Variants in CACNG7 observed in about 807,000 individuals in gnomAD.
CACNG7 encodes voltage-dependent calcium channel gamma-7 subunit.
A neutral mutation model predicts 26.3 loss-of-function variants in CACNG7; 9 were observed. The observed-to-expected ratio is 0.34, with a 90% CI of 0.21 to 0.60. CACNG7 has a LOEUF of 0.60. CACNG7 is among the 20% of genes least tolerant of loss of function. The pLI is 0.81. For synonymous variants in CACNG7, 170 were observed against 157.0 expected, an observed-to-expected ratio of 1.08 and a Z score of -0.62; for missense variants, 297 against 380.4, an observed-to-expected ratio of 0.78 and a Z score of 1.82.
intron 4 of CACNG7, among the ~76,000 whole-genome samples, chr19:53,927,077 G>T (rs754437730): frequency 2.0e-5 from 3 of 151,838 alleles, no homozygotes; most frequent in Admixed American, 1.3e-4. Context: ...CTGCCACCAC[G>T]CCTGGCTAAT....
intron 4 of CACNG7, among the ~76,000 whole-genome samples, chr19:53,924,659 G>A (rs1219821107): frequency 1.7e-4 from 23 of 136,966 alleles, no homozygotes; most frequent in Non-Finnish European, 2.8e-4. Flanking sequence ...GGAGTTGTCC[G>A]AGGTCTGGTA....
At chr19:53,920,358 T>G in intron 4 of CACNG7, among the ~76,000 whole-genome samples, 1 of 100,908 alleles carries the variant, frequency 9.9e-6, no homozygotes. Context: ...TTTCCCCAGG[T>G]CTGGTCATTG....
chr19:53,913,719 G>A (rs1405936197), intron 2 of CACNG7, among the ~76,000 whole-genome samples: 1 of 150,096 alleles, frequency 6.7e-6, no homozygotes, highest in African/African-American at 2.5e-5. Context: ...AGGAGTTCGA[G>A]GCTGCAGTGA....
In CACNG7 at chr19:53,941,773, G is replaced by C. The variant is rs1252006825; in HGVS notation, c.570+158G>C. On this transcript the variant is annotated intron_variant, in intron 5 of 5. Coordinates refer to ENST00000391767, the MANE Select transcript of CACNG7 (RefSeq NM_031896.5). ...CTAACCCCTGGGTCCTGGAGGAAGA[G>C]GGGTCTGAGAGCTCCAACTTTTGGG... 10 of 992,914 alleles carry C rather than the reference G, an allele frequency of 1.0e-5. No homozygotes were observed. The East Asian group carries it at 1.8e-4, about 18-fold the overall frequency. 61.5% of individuals were successfully genotyped at this position (992,914 alleles called of 1,614,324 possible). A position where few individuals can be genotyped will look rare whatever the true frequency, so the allele number is the denominator to read the frequency against.
Position 53,929,581 on chromosome 19 carries a change from C to T in CACNG7, c.425-11889C>T, listed in dbSNP as rs577994351. Among the ~76,000 whole-genome samples the T allele has an allele frequency of 9.9e-5, 15 of 152,158 alleles. No individual in the cohort carries two copies. The South Asian group carries it at 1.0e-3, about 11-fold the overall frequency. ...AAGCGATTCTCCTGTCTCAGCCTCC[C>T]GAGTAGCTGGGATTACAGGCGCCCG... On this transcript the variant is annotated intron_variant, in intron 4 of 5. Transcript: ENST00000391767.
At chr19:53,927,175 C>T (rs2069037557) in intron 4 of CACNG7, among the ~76,000 whole-genome samples, 1 of 152,094 alleles carries the variant, frequency 6.6e-6, no homozygotes, top group Non-Finnish European at 1.5e-5. Context: ...CCACCTTGGC[C>T]TCCCAAAGTT....
intron 4 of CACNG7, among the ~76,000 whole-genome samples, chr19:53,922,972 T>C (rs1432822200): frequency 1.0e-5 from 1 of 97,928 alleles, no homozygotes; most frequent in Non-Finnish European, 1.9e-5. Context: ...GGTCTGGTCA[T>C]TGGTGGAGTT....
Position 53,909,829 on chromosome 19 carries a change from G to A in CACNG7, c.-30+312G>A, listed in dbSNP as rs908386882. On this transcript the variant is annotated intron_variant, in intron 1 of 5. Coordinates refer to ENST00000391767, the MANE Select transcript of CACNG7 (RefSeq NM_031896.5). The surrounding 1 kb of genome is among the most constrained non-coding windows in gnomAD (Gnocchi z 5.1). The stretch of plus-strand genomic sequence containing the variant: ...TACGGGGCGAGGGCGGAGGACCCAG[G>A]CCCGGCCAGAGCAGGATGTGGGTCT... Among the ~76,000 whole-genome samples, 3 of 152,154 alleles carry A rather than the reference G, an allele frequency of 2.0e-5. No individual in the cohort carries two copies. Among genetic ancestry groups the A allele is most frequent in the African/African-American group, 7.2e-5 (3 of 41,436 alleles).
At chr19:53,927,246 C>A (rs1439606700) in intron 4 of CACNG7, among the ~76,000 whole-genome samples, 1 of 152,098 alleles carries the variant, frequency 6.6e-6, no homozygotes, top group African/African-American at 2.4e-5. Flanking sequence ...CAAACATGTT[C>A]TTGTTTGTAT....
intron 4 of CACNG7, among the ~76,000 whole-genome samples, chr19:53,920,350 T>G (rs307924): frequency 0.38 from 27,906 of 72,644 alleles, 2,734 homozygotes; most frequent in African/African-American, 0.53. Context: ...TGGTGGAGTT[T>G]CCCCAGGTCT....
intron 4 of CACNG7, among the ~76,000 whole-genome samples, chr19:53,916,645 C>T (rs1410095144): frequency 6.1e-5 from 9 of 148,136 alleles, no homozygotes; most frequent in East Asian, 2.0e-4. Flanking sequence ...TGTGCCACTA[C>T]GCCCGGCTAA....
chr19:53,935,634 CTTT>C (rs59884893), intron 4 of CACNG7, among the ~76,000 whole-genome samples: 9 of 42,260 alleles, frequency 2.1e-4, no homozygotes, highest in East Asian at 9.9e-4. Context: ...CCAATACTGT[CTTT>C]TTTTTTTTTT....
Position 53,942,107 on chromosome 19 carries a change from G to C in CACNG7, c.642G>C (p.Pro214=). The change falls in exon 6 of 6, where the codon CCG becomes CCC. Residue 214 remains proline (P), a synonymous_variant. Transcript: ENST00000391767. This position sits in a 1 kb window ranked among gnomAD's most constrained non-coding sequence, Gnocchi z 5.9. ...AGGAGGAGATGTACCGTCCACACCC[G>C]GCCTTCTACCGCCCGCGTCTCAGCG... ...YAEEEMYRPH[P]AFYRPRLSDC... 1 of 1,613,964 alleles carries C rather than the reference G, an allele frequency of 6.2e-7. No homozygotes were observed.
At chr19:53,923,181 C>T (rs2068979656) in intron 4 of CACNG7, among the ~76,000 whole-genome samples, 1 of 65,106 alleles carries the variant, frequency 1.5e-5, no homozygotes, top group African/African-American at 1.2e-4. Flanking sequence ...TGTCCCAGGT[C>T]TGGTCATTGG....
intron 4 of CACNG7, among the ~76,000 whole-genome samples, chr19:53,921,646 G>C (rs1375499421): frequency 1.2e-5 from 1 of 81,588 alleles, no homozygotes; most frequent in Non-Finnish European, 2.2e-5. Context: ...CCCAGGTCTG[G>C]TCATTGGTGG....
chr19:53,923,378 G>GT (rs972292398), intron 4 of CACNG7, among the ~76,000 whole-genome samples: 1 of 142,938 alleles, frequency 7.0e-6, no homozygotes, highest in Non-Finnish European at 1.5e-5. Flanking sequence ...CTGGTCATTG[G>GT]TGGAGTTGTC....
chr19:53,942,643 C>A lies in CACNG7; in HGVS notation c.*350C>A. ...TGGGAGCAGCCAGAGGCGGTGCAAG[C>A]GCCCAGCTCCCCAGAGCTCCCCAAC... is the stretch of plus-strand genomic sequence containing the variant. On this transcript the variant is annotated 3_prime_UTR_variant, in exon 6 of 6. Transcript: ENST00000391767. The surrounding 1 kb of genome is among the most constrained non-coding windows in gnomAD (Gnocchi z 5.9). 2 of 1,065,576 alleles carry A rather than the reference C, an allele frequency of 1.9e-6. No homozygotes were observed. Among genetic ancestry groups the A allele is most frequent in the South Asian group, 3.5e-5 (1 of 28,474 alleles). 66.0% of individuals were successfully genotyped at this position (1,065,576 alleles called of 1,614,324 possible). A position where few individuals can be genotyped will look rare whatever the true frequency, so the allele number is the denominator to read the frequency against.
chr19:53,928,667 G>A (rs2069050285), intron 4 of CACNG7, among the ~76,000 whole-genome samples: 1 of 152,284 alleles, frequency 6.6e-6, no homozygotes, highest in Non-Finnish European at 1.5e-5. Context: ...GCAGGAACCA[G>A]ATCACAGACA....
At position 53,942,339 on chromosome 19, in the gene CACNG7, T is replaced by C. The variant is rs1357834009; in HGVS notation, c.*46T>C. ...CCCTGCCTCCTCCTCCTCCTCGTCTTAGGGGGGTCTCCCTGCAATGCAGCG... is the reference window on the plus strand; with the variant it reads ...CCCTGCCTCCTCCTCCTCCTCGTCTCAGGGGGGTCTCCCTGCAATGCAGCG... On this transcript the variant is annotated 3_prime_UTR_variant, in exon 6 of 6. Transcript: ENST00000391767. The surrounding 1 kb of genome is among the most constrained non-coding windows in gnomAD (Gnocchi z 5.9). 1 of 1,461,584 alleles carries C rather than the reference T, an allele frequency of 6.8e-7. No homozygotes were observed. The highest frequency in any genetic ancestry group is 9.0e-7 in the Non-Finnish European group (1 of 1,112,010). 90.5% of individuals were successfully genotyped at this position (1,461,584 alleles called of 1,614,324 possible). A position where few individuals can be genotyped will look rare whatever the true frequency, so the allele number is the denominator to read the frequency against.
Sources: allele counts gnomAD v4.1 joint callset (sites outside exome capture counted in the v4.1 genomes callset), GRCh38; gene constraint gnomAD v4.1.1; non-coding constraint Gnocchi (gnomAD v3.1); transcripts MANE v1.5; gene names NCBI Gene and HGNC (gene_info 2026-07-23, HGNC 2026-07-21).